PDE1C: variants seen among roughly 807,000 people sequenced by gnomAD.
PDE1C encodes the protein dual specificity calcium/calmodulin-dependent 3',5'-cyclic nucleotide phosphodiesterase 1C.
In PDE1C, 62 loss-of-function variants were observed where a neutral mutation model predicts 93.1. That is an observed-to-expected ratio of 0.67 (90% confidence interval 0.54 to 0.82). The LOEUF (loss-of-function observed/expected upper bound fraction) is 0.82. PDE1C is among the 40% of genes least tolerant of loss of function. PDE1C has a pLI of 0.00. For missense variants in PDE1C, 742 were observed against 884.6 expected (o/e 0.84, Z 2.04); for synonymous variants, 325 against 310.1 (o/e 1.05, Z -0.50).
In PDE1C at chr7:31,879,214, A is replaced by T. The variant is rs765172691; in HGVS notation, c.243-36T>A. On this transcript the variant is annotated intron_variant, in intron 3 of 17. Coordinates refer to ENST00000396191, the MANE Select transcript of PDE1C (RefSeq NM_001191057.4). Reference sequence around the variant, plus strand: ...GAAACAGAATCAGCACACTGAGATTAAATCTGAAGTTGGAGCTCTCTGTTC... The same window carrying T: ...GAAACAGAATCAGCACACTGAGATTTAATCTGAAGTTGGAGCTCTCTGTTC... The T allele has an allele frequency of 2.5e-6, 4 of 1,583,776 alleles. No homozygotes were observed. The South Asian group carries it at 3.3e-5, about 13-fold the overall frequency.
At chr7:32,213,359 G>A (rs780729184) in intron 1 of PDE1C, among the ~76,000 whole-genome samples, 19 of 152,088 alleles carry the variant, frequency 1.2e-4, no homozygotes, top group Non-Finnish European at 2.1e-4. Context: ...CTGCCTCCTG[G>A]ATATTCAGAA....
In PDE1C at chr7:32,341,736, C is replaced by G. The variant is rs142093442; in HGVS notation, c.310+86086G>C. On this transcript the variant is annotated intron_variant, in intron 1 of 1. Coordinates refer to the PDE1C transcript ENST00000672256. ...CCAAGCAATTAAAAATCCATCAGTG[C>G]GTAACCCTGCAGCACTGAAAACACA... Among the ~76,000 whole-genome samples the G allele has an allele frequency of 5.3e-5, 8 of 152,258 alleles. 1 individual carries two copies. Among genetic ancestry groups the G allele is most frequent in the East Asian group, 1.9e-4 (1 of 5,166 alleles).
intron 2 of PDE1C, among the ~76,000 whole-genome samples, chr7:32,038,899 A>T (rs1487448824): frequency 6.6e-6 from 1 of 152,220 alleles, no homozygotes; most frequent in Non-Finnish European, 1.5e-5. Flanking sequence ...CTTCATCAGA[A>T]TCTCATCTGT....
At chr7:31,812,209 G>T (rs146637373) in intron 15 of PDE1C, among the ~76,000 whole-genome samples, 9 of 152,222 alleles carry the variant, frequency 5.9e-5, no homozygotes, top group African/African-American at 9.6e-5. Context: ...TAAGGGAAAT[G>T]GTAGACTGTT....
At chr7:32,100,630 ACAATAAGAATGCC>A (rs1431325698) in intron 3 of PDE1C, among the ~76,000 whole-genome samples, 2 of 152,144 alleles carry the variant, frequency 1.3e-5, no homozygotes, top group Non-Finnish European at 2.9e-5. Flanking sequence ...CCTACTTACC[ACAATAAGAATGCC>A]CAATAAATCA....
At chr7:32,017,636 A>G (rs1444646767) in intron 2 of PDE1C, among the ~76,000 whole-genome samples, 1 of 152,174 alleles carries the variant, frequency 6.6e-6, no homozygotes, top group Admixed American at 6.6e-5. Context: ...TACATAAAGA[A>G]CTCCTAAAAA....
intron 16 of PDE1C, chr7:31,789,893 A>T (rs1784385219): frequency 9.3e-7 from 1 of 1,070,550 alleles, no homozygotes; most frequent in Non-Finnish European, 1.1e-6. Context: ...CAGGATGTCC[A>T]TTCTCATCAG....
rs1783816029 is a variant in PDE1C, at chr7:32,344,534, G to A, written c.310+83288C>T. Among the ~76,000 whole-genome samples the A allele has an allele frequency of 2.0e-5, 3 of 152,054 alleles. No homozygotes were observed. In the South Asian group the frequency reaches 6.2e-4, roughly 32 times the overall value. On this transcript the variant is annotated intron_variant, in intron 1 of 1. Coordinates refer to the PDE1C transcript ENST00000672256. ...TGAACACATCGGGCACCATCACCTT[G>A]GGGCTTCTGCACTAACTGAGGCCTC...
At chr7:32,324,401 C>T (rs1783361870) in intron 1 of PDE1C, among the ~76,000 whole-genome samples, 1 of 152,216 alleles carries the variant, frequency 6.6e-6, no homozygotes, top group African/African-American at 2.4e-5. Context: ...CGGAGGACCC[C>T]ACTTACCCTA....
chr7:32,356,685 C>T (rs7777166), intron 1 of PDE1C, among the ~76,000 whole-genome samples: 42,852 of 152,152 alleles, frequency 0.28, 6,452 homozygotes, highest in South Asian at 0.52. Flanking sequence ...AGCTGATGGT[C>T]TGTTAGTTTA....
intron 8 of PDE1C, among the ~76,000 whole-genome samples, 170 bp downstream of exon 8, chr7:31,850,471 C>CT (rs754640630): frequency 3.9e-5 from 6 of 152,098 alleles, no homozygotes; most frequent in Non-Finnish European, 5.9e-5. Context: ...TTCTTAAACT[C>CT]TAAGTCTTGA....
chr7:32,107,438 T>C (rs536902613), intron 3 of PDE1C, among the ~76,000 whole-genome samples: 1 of 152,198 alleles, frequency 6.6e-6, no homozygotes, highest in African/African-American at 2.4e-5. Context: ...AGAATTGCAT[T>C]GAACTTCTCA....
intron 3 of PDE1C, among the ~76,000 whole-genome samples, chr7:32,121,743 A>C (rs1322980329): frequency 6.6e-6 from 1 of 152,330 alleles, no homozygotes; most frequent in African/African-American, 2.4e-5. Flanking sequence ...GCAAGGAAAA[A>C]CCAGTACCAG....
At chr7:32,161,460 T>C (rs1469055872) in intron 3 of PDE1C, among the ~76,000 whole-genome samples, 1 of 152,212 alleles carries the variant, frequency 6.6e-6, no homozygotes, top group East Asian at 1.9e-4. Flanking sequence ...TCCCTGTAAG[T>C]CTACAGGTTG....
chr7:32,331,747 G>A (rs76035550), intron 1 of PDE1C, among the ~76,000 whole-genome samples: 11,431 of 152,168 alleles, frequency 0.075, 496 homozygotes, highest in Non-Finnish European at 0.092. Context: ...AACTTGGGGA[G>A]GAGAGAAAAA....
chr7:32,039,041 T>G (rs893654996), intron 2 of PDE1C, among the ~76,000 whole-genome samples: 1 of 152,112 alleles, frequency 6.6e-6, no homozygotes, highest in Non-Finnish European at 1.5e-5. Flanking sequence ...ACCACCACCA[T>G]CAGCACCACC....
intron 15 of PDE1C, among the ~76,000 whole-genome samples, chr7:31,809,478 T>A (rs145085194): frequency 4.1e-4 from 62 of 152,206 alleles, no homozygotes; most frequent in Middle Eastern, 3.4e-3. Flanking sequence ...AAAATGGGTA[T>A]GTTAATACCT....
At chr7:32,292,455 T>G (rs1475881691) in intron 1 of PDE1C, among the ~76,000 whole-genome samples, 1 of 152,204 alleles carries the variant, frequency 6.6e-6, no homozygotes, top group Non-Finnish European at 1.5e-5. Flanking sequence ...ATCCTAAAAA[T>G]ATTGCAGTCT....
chr7:31,645,238 A>G, the PDE1C span, among the ~76,000 whole-genome samples: 5 of 152,228 alleles, frequency 3.3e-5, no homozygotes, highest in Admixed American at 6.5e-5. Flanking sequence ...AACATTAGAA[A>G]GTGATTATTT....
Sources: gnomAD v4.1 joint callset for allele counts (sites outside exome capture counted in the v4.1 genomes callset) on GRCh38, gnomAD v4.1.1 for gene constraint, MANE v1.5 for transcripts, NCBI Gene and HGNC (gene_info 2026-07-23, HGNC 2026-07-21) for gene names.